FAM135A: variants seen among roughly 807,000 people sequenced by gnomAD.
FAM135A encodes protein FAM135A.
FAM135A carries 79 observed loss-of-function variants against 146.8 expected under a neutral mutation model. The ratio of observed to expected loss-of-function variants is 0.54; its 90% CI spans 0.45 to 0.65. The LOEUF (loss-of-function observed/expected upper bound fraction) is 0.65, where lower values mean the gene tolerates loss of function less well. FAM135A is among the 30% of genes least tolerant of loss of function. The pLI is 0.00. For missense variants in FAM135A, 1,623 were observed against 1,758.2 expected (o/e 0.92, Z 1.38); for synonymous variants, 562 against 603.6 (o/e 0.93, Z 1.01).
intron 12 of FAM135A, among the ~76,000 whole-genome samples, chr6:70,509,085 G>C (rs931808692): frequency 1.3e-5 from 2 of 152,066 alleles, no homozygotes; most frequent in Admixed American, 1.3e-4. Flanking sequence ...TGGTGACTCT[G>C]CTATTCAGTT....
Position 70,524,978 on chromosome 6 carries a change from C to A in FAM135A, c.1894C>A (p.His632Asn). The change falls in exon 15 of 22, where the codon CAC (histidine) becomes AAC (asparagine). Residue 632 changes from histidine to asparagine, a missense_variant. By Grantham distance (68) the His-to-Asn change is moderately conservative. Transcript: ENST00000418814. ...QDDSEITQME[H>N]NLASRRSSDD... Reference sequence around the variant, plus strand: ...CGATAGTGAAATTACACAAATGGAACACAATCTGGCATCCAGAAGGTCATC... The same window carrying A: ...CGATAGTGAAATTACACAAATGGAAAACAATCTGGCATCCAGAAGGTCATC... 1.2e-6 allele frequency: 2 copies of A among 1,602,734 alleles called. No homozygotes were observed. The highest frequency in any genetic ancestry group is 1.7e-6 in the Non-Finnish European group (2 of 1,175,660).
At chr6:70,416,704 T>A (rs1346151705) in intron 2 of FAM135A, among the ~76,000 whole-genome samples, 1 of 152,086 alleles carries the variant, frequency 6.6e-6, no homozygotes, top group Non-Finnish European at 1.5e-5. Flanking sequence ...GGCAGGAGGA[T>A]CTCTTGAGGC....
intron 4 of FAM135A, among the ~76,000 whole-genome samples, chr6:70,447,119 A>G (rs1242179407): frequency 6.6e-6 from 1 of 152,242 alleles, no homozygotes; most frequent in Non-Finnish European, 1.5e-5. Flanking sequence ...AGTGCTGTAG[A>G]GAAACGATTG....
intron 5 of FAM135A, among the ~76,000 whole-genome samples, chr6:70,467,650 A>G (rs1175735512): frequency 6.6e-6 from 1 of 150,592 alleles, no homozygotes; most frequent in African/African-American, 2.4e-5. Flanking sequence ...TTTTTGAGCT[A>G]TTTGCTTTTG....
At chr6:70,522,874 A>G (rs903273815) in intron 13 of FAM135A, among the ~76,000 whole-genome samples, 4 of 152,028 alleles carry the variant, frequency 2.6e-5, no homozygotes, top group Admixed American at 2.6e-4. Flanking sequence ...GTAGCCTTCC[A>G]TTTAGCCATA....
chr6:70,536,424 A>G lies in FAM135A; in HGVS notation c.4117+13A>G, dbSNP rs530978769. On this transcript the variant is annotated intron_variant, in intron 19 of 21. Coordinates refer to ENST00000418814, the MANE Select transcript of FAM135A (RefSeq NM_001162529.3). The stretch of plus-strand genomic sequence containing the variant: ...CTTGTTAATACAGGTAAAAAGTTTT[A>G]TTGTTCTGTATTAAAAATATGGAAT... 5.1e-6 allele frequency: 8 copies of G among 1,565,598 alleles called. No homozygotes were observed. The highest frequency in any genetic ancestry group is 6.9e-6 in the Non-Finnish European group (8 of 1,160,940).
intron 21 of FAM135A, 90 bp downstream of exon 21, chr6:70,556,953 A>G: frequency 2.3e-6 from 2 of 880,592 alleles, no homozygotes; most frequent in Non-Finnish European, 1.8e-6. Flanking sequence ...CGTATCTGTC[A>G]CCCTTCTCTT....
intron 3 of FAM135A, among the ~76,000 whole-genome samples, chr6:70,428,009 T>A (rs1770603817): frequency 6.6e-6 from 1 of 152,168 alleles, no homozygotes; most frequent in African/African-American, 2.4e-5. Context: ...GAGATAAAGT[T>A]GAGTTTCTTT....
At chr6:70,521,905 C>G (rs1793667337) in intron 12 of FAM135A, among the ~76,000 whole-genome samples, 1 of 152,078 alleles carries the variant, frequency 6.6e-6, no homozygotes, top group Non-Finnish European at 1.5e-5. Context: ...CAAAACATAG[C>G]TTTGCCTTTT....
At chr6:70,559,652 CAT>C (rs1801586668) in intron 21 of FAM135A, 62 bp from the exon 22 acceptor site, 4 of 1,317,488 alleles carry the variant, frequency 3.0e-6, no homozygotes, top group Non-Finnish European at 4.1e-6. Context: ...TAAAAATTGG[CAT>C]AGTTTTTTTA....
chr6:70,441,539 A>G (rs557627818), intron 4 of FAM135A, among the ~76,000 whole-genome samples: 2 of 152,242 alleles, frequency 1.3e-5, no homozygotes, highest in South Asian at 2.1e-4. Flanking sequence ...AGACTCTTGT[A>G]CATTCTTTGA....
chr6:70,500,525 T>A (rs1788257695), intron 11 of FAM135A, among the ~76,000 whole-genome samples: 1 of 152,244 alleles, frequency 6.6e-6, no homozygotes, highest in Non-Finnish European at 1.5e-5. Context: ...GTGTCCTTGC[T>A]GGAGAGGAGT....
intron 4 of FAM135A, among the ~76,000 whole-genome samples, chr6:70,435,265 CA>C (rs1772795264): frequency 6.6e-6 from 1 of 151,688 alleles, no homozygotes. Flanking sequence ...CCACCACGCC[CA>C]GCTAATTGTT....
At chr6:70,544,876 C>T (rs1262566603) in intron 20 of FAM135A, among the ~76,000 whole-genome samples, 1 of 151,838 alleles carries the variant, frequency 6.6e-6, no homozygotes, top group African/African-American at 2.4e-5. Context: ...CATGGTGAAA[C>T]CCCATCTCTA....
chr6:70,442,314 T>C (rs1402378650), intron 4 of FAM135A, among the ~76,000 whole-genome samples: 6 of 150,414 alleles, frequency 4.0e-5, no homozygotes, highest in Admixed American at 3.3e-4. Context: ...TAAAAATCAC[T>C]TGAAGTATTT....
intron 5 of FAM135A, among the ~76,000 whole-genome samples, chr6:70,457,736 A>G (rs990209860): frequency 3.3e-5 from 5 of 152,230 alleles, no homozygotes; most frequent in Non-Finnish European, 5.9e-5. Context: ...TTATAATTCA[A>G]TCTCTAGGTC....
chr6:70,457,033 G>A (rs1465151080), intron 5 of FAM135A, among the ~76,000 whole-genome samples: 1 of 152,176 alleles, frequency 6.6e-6, no homozygotes, highest in Non-Finnish European at 1.5e-5. Context: ...GTGTCATTCA[G>A]CAACTTCTGG....
chr6:70,430,956 C>CTTA (rs1771451747), intron 4 of FAM135A, among the ~76,000 whole-genome samples: 1 of 152,098 alleles, frequency 6.6e-6, no homozygotes, highest in African/African-American at 2.4e-5. Context: ...AATTAATTTG[C>CTTA]TAAGTCCAAA....
intron 11 of FAM135A, among the ~76,000 whole-genome samples, chr6:70,492,387 A>G (rs1168943353): frequency 6.6e-6 from 1 of 151,810 alleles, no homozygotes; most frequent in African/African-American, 2.4e-5. Flanking sequence ...AATTACATAT[A>G]TATGTAAATA....
Sources: allele counts gnomAD v4.1 joint callset (sites outside exome capture counted in the v4.1 genomes callset), GRCh38; gene constraint gnomAD v4.1.1; transcripts MANE v1.5; gene names NCBI Gene and HGNC (gene_info 2026-07-23, HGNC 2026-07-21).